Variants in FANCA observed in about 807,000 individuals in gnomAD.
FANCA encodes the protein FA complementation group A.
FANCA carries 236 observed loss-of-function variants against 194.3 expected under a neutral mutation model. The ratio of observed to expected loss-of-function variants is 1.21; its 90% CI spans 1.09 to 1.35. The LOEUF is 1.35. FANCA is among the 40% of genes most tolerant of loss of function. FANCA has a pLI of 0.00. For synonymous variants in FANCA, 1,014 were observed against 715.8 expected, an observed-to-expected ratio of 1.42 and a Z score of -6.65; for missense variants, 2,628 against 1,813.9, an observed-to-expected ratio of 1.45 and a Z score of -8.15.
At chr16:89,797,387 C>T (rs569228386) in intron 10 of FANCA, among the ~76,000 whole-genome samples, 20 of 152,072 alleles carry the variant, frequency 1.3e-4, no homozygotes, top group Non-Finnish European at 2.6e-4. Context: ...CAGTGAACTG[C>T]CCCAGGGTCA....
intron 21 of FANCA, 142 bp downstream of exon 21, chr16:89,775,600 G>A (rs942235060): frequency 1.4e-6 from 1 of 695,966 alleles, no homozygotes; most frequent in South Asian, 1.5e-5. Context: ...AGCATGGTGG[G>A]CGGACCCTGT....
intron 26 of FANCA, among the ~76,000 whole-genome samples, chr16:89,767,985 C>T (rs2039190134): frequency 6.6e-6 from 1 of 152,164 alleles, no homozygotes; most frequent in Non-Finnish European, 1.5e-5. Context: ...GTGCCTGGCC[C>T]AGCCCTCGGT....
chr16:89,810,857 G>C, intron 4 of FANCA, 55 bp from the exon 5 acceptor site: 4 of 1,612,284 alleles, frequency 2.5e-6, no homozygotes, highest in Non-Finnish European at 3.4e-6. Flanking sequence ...CAATACTAAA[G>C]CTATGTCCTA....
At chr16:89,770,878 C>G (rs964953604) in intron 23 of FANCA, among the ~76,000 whole-genome samples, 2 of 152,142 alleles carry the variant, frequency 1.3e-5, no homozygotes, top group Non-Finnish European at 2.9e-5. Flanking sequence ...GCGGGACTGG[C>G]AAACCTTGTG....
At position 89,767,212 on chromosome 16, in the gene FANCA, A is replaced by G. The variant is rs1017352035; in HGVS notation, c.2530T>C (p.Ser844Pro). The change falls in exon 27 of 43, where the codon TCT (serine) becomes CCT (proline). Residue 844 changes from serine (S) to proline (P), a missense_variant. Physicochemically the swap from Ser to Pro is moderately conservative, Grantham distance 74. Transcript: ENST00000389301. ...GACTGGGAAGAAAACTTGCAGAGAG[A>G]GTAAGAAATTGCTGCTGTACAAAAT... ...LKFCTAAISY[S>P]LCKFSSQSRD... is the part of the protein sequence containing the mutation. 15 of 1,613,230 alleles carry G rather than the reference A, an allele frequency of 9.3e-6. No individual in the cohort carries two copies. Among genetic ancestry groups the G allele is most frequent in the African/African-American group, 2.7e-5 (2 of 74,934 alleles).
At chr16:89,750,074 C>G (rs1432517445) in intron 31 of FANCA, among the ~76,000 whole-genome samples, 172 bp from the exon 32 acceptor site, 1 of 152,210 alleles carries the variant, frequency 6.6e-6, no homozygotes, top group Non-Finnish European at 1.5e-5. Flanking sequence ...AAATATAGAA[C>G]AGTGCAGGCC....
intron 28 of FANCA, 105 bp downstream of exon 28, chr16:89,764,785 A>G (rs779112077): frequency 2.3e-6 from 3 of 1,327,820 alleles, no homozygotes; most frequent in Non-Finnish European, 3.3e-6. Flanking sequence ...GGCATGATGC[A>G]GGGGAAGGAA....
At chr16:89,751,067 A>G (rs1446290300) in intron 31 of FANCA, among the ~76,000 whole-genome samples, 2 of 152,062 alleles carry the variant, frequency 1.3e-5, no homozygotes, top group African/African-American at 4.8e-5. Context: ...AGTGTTTTGT[A>G]TTTTTAGTAG....
chr16:89,800,323 C>A lies in FANCA; in HGVS notation c.793-685G>T, dbSNP rs142707179. ...TACCATTGTCCATTTCCCTTCTTCA[C>A]ATCTCCTGGGCTTAAAGCATACCAC... On this transcript the variant is annotated intron_variant, in intron 8 of 42. Transcript: ENST00000389301. Among the ~76,000 whole-genome samples, 496 of 152,340 alleles carry A rather than the reference C, an allele frequency of 3.3e-3. 1 individual carries two copies. The highest frequency in any genetic ancestry group is 0.011 in the African/African-American group (475 of 41,584).
intron 13 of FANCA, 67 bp downstream of exon 13, chr16:89,791,860 G>T: frequency 6.2e-7 from 1 of 1,600,208 alleles, no homozygotes; most frequent in Non-Finnish European, 8.6e-7. Flanking sequence ...ACAGTCAGCT[G>T]GGACTCTGCT....
intron 8 of FANCA, 118 bp downstream of exon 8, chr16:89,803,141 G>C (rs1598172772): frequency 3.0e-6 from 3 of 993,138 alleles, no homozygotes; most frequent in East Asian, 2.4e-5. Context: ...AGTATCACAT[G>C]TACCCCGTAA....
In FANCA at chr16:89,759,318, T is replaced by TA. The variant is rs71137673; in HGVS notation, c.2853-614dup. On this transcript the variant is annotated intron_variant, in intron 29 of 42. Transcript: ENST00000389301. ...TTGGGCAACAGAGCGAGACTCCGTCTAAAAAAAAAAAAAAAAAAAAAAAAA... is the reference window on the plus strand; with the variant it reads ...TTGGGCAACAGAGCGAGACTCCGTCTAAAAAAAAAAAAAAAAAAAAAAAAAA... Among the ~76,000 whole-genome samples, 75 of 75,202 alleles carry TA rather than the reference T, an allele frequency of 1.0e-3. 1 individual carries two copies. The highest frequency in any genetic ancestry group is 1.7e-3 in the Non-Finnish European group (66 of 38,984). 49.3% of individuals were successfully genotyped at this position (75,202 alleles called of 152,430 possible).
intron 6 of FANCA, among the ~76,000 whole-genome samples, chr16:89,806,426 G>A (rs938747340): frequency 4.8e-5 from 7 of 146,544 alleles, no homozygotes; most frequent in African/African-American, 1.8e-4. Flanking sequence ...ATAGGACAAT[G>A]GTGGAGGGAA....
chr16:89,763,758 C>G (rs970081590), intron 28 of FANCA, among the ~76,000 whole-genome samples: 3 of 151,426 alleles, frequency 2.0e-5, no homozygotes, highest in Middle Eastern at 3.4e-3. Context: ...CATGGTGAAA[C>G]CCCATCTCTA....
intron 14 of FANCA, among the ~76,000 whole-genome samples, chr16:89,786,664 A>C (rs1299118803): frequency 6.6e-6 from 1 of 152,208 alleles, no homozygotes; most frequent in East Asian, 1.9e-4. Context: ...AGACCCAAAA[A>C]GCCATTAGAT....
intron 7 of FANCA, 44 bp from the exon 8 acceptor site, chr16:89,803,385 T>G (rs1478792969): frequency 1.3e-6 from 2 of 1,552,468 alleles, no homozygotes; most frequent in African/African-American, 2.7e-5. Context: ...CATCATGGTC[T>G]CCAAGCAACT....
Position 89,783,099 on chromosome 16 carries a change from G to A in FANCA, c.1474C>T (p.His492Tyr). Reference sequence around the variant, plus strand: ...GGAACCAGGGGTGGGTGGAGAATGTGCACCTGAGGATAGATAGCAGAGCGC... The same window carrying A: ...GGAACCAGGGGTGGGTGGAGAATGTACACCTGAGGATAGATAGCAGAGCGC... ...PFESPRYLQVHILHPPLVPGK... is the reference protein window; with the variant it reads ...PFESPRYLQVYILHPPLVPGK... The change falls in exon 16 of 43, where the codon CAC (histidine) becomes TAC (tyrosine). Residue 492 changes from histidine (H) to tyrosine (Y), a missense_variant. By Grantham distance (83) the His-to-Tyr change is moderately conservative. Transcript: ENST00000389301. The A allele has an allele frequency of 1.2e-6, 2 of 1,610,756 alleles. No homozygotes were observed. The highest frequency in any genetic ancestry group is 2.2e-5 in the East Asian group (1 of 44,830).
Position 89,742,778 on chromosome 16 carries a change from G to C in FANCA, c.3765+22C>G, listed in dbSNP as rs778614251. Reference sequence around the variant, plus strand: ...ACCAAGCTTGCGAGAAAATAAATCAGTAAAAGAATTTCCTATCTTGCCTCC... The same window carrying C: ...ACCAAGCTTGCGAGAAAATAAATCACTAAAAGAATTTCCTATCTTGCCTCC... On this transcript the variant is annotated intron_variant, in intron 37 of 42. Coordinates refer to ENST00000389301, the MANE Select transcript of FANCA (RefSeq NM_000135.4). 5.6e-6 allele frequency: 9 copies of C among 1,607,794 alleles called. No individual in the cohort carries two copies. The Middle Eastern group carries it at 1.2e-3, about 208-fold the overall frequency.
At chr16:89,804,920 C>T (rs373541929) in intron 7 of FANCA, among the ~76,000 whole-genome samples, 1 of 152,046 alleles carries the variant, frequency 6.6e-6, no homozygotes, top group Admixed American at 6.6e-5. Flanking sequence ...GCCTGCAGTC[C>T]CAGCTACTAA....
Sources: allele counts gnomAD v4.1 joint callset (sites outside exome capture counted in the v4.1 genomes callset), GRCh38; gene constraint gnomAD v4.1.1; transcripts MANE v1.5; gene names NCBI Gene and HGNC (gene_info 2026-07-23, HGNC 2026-07-21).